Variants in IPPK observed in about 807,000 individuals in gnomAD.
The protein encoded by IPPK is inositol-pentakisphosphate 2-kinase, also known as IPK1 homolog.
Under a neutral mutation model 64.6 loss-of-function variants are expected in IPPK, and 22 were observed. The observed-to-expected ratio is 0.34, with a 90% CI of 0.24 to 0.49. The LOEUF (loss-of-function observed/expected upper bound fraction) is 0.49, where lower values mean the gene tolerates loss of function less well. Among genes scored for constraint, IPPK ranks in the 20% least tolerant of loss-of-function variants. IPPK has a pLI of 0.99. For missense variants in IPPK, 532 were observed against 630.7 expected, an observed-to-expected ratio of 0.84 and a Z score of 1.68; for synonymous variants, 262 against 247.2, an observed-to-expected ratio of 1.06 and a Z score of -0.56.
chr9:92,624,769 A>G (rs1249350311), intron 11 of IPPK, among the ~76,000 whole-genome samples: 1 of 152,246 alleles, frequency 6.6e-6, no homozygotes, highest in African/African-American at 2.4e-5. Flanking sequence ...GAACCTGTCA[A>G]GGATGCTGAG....
Position 92,649,455 on chromosome 9 carries a change from T to C in IPPK, c.412A>G (p.Lys138Glu), listed in dbSNP as rs143557579. 2 of 1,614,018 alleles carry C rather than the reference T, an allele frequency of 1.2e-6. No homozygotes were observed. Among genetic ancestry groups the C allele is most frequent in the African/African-American group, 2.7e-5 (2 of 74,994 alleles). Reference sequence around the variant, plus strand: ...CCATCTGCCCCTCGACAGGTCACCTTAATCTCTACACACAGAATCGGCCGG... The same window carrying C: ...CCATCTGCCCCTCGACAGGTCACCTCAATCTCTACACACAGAATCGGCCGG... ...EHRPILCVEIKPKCGFIPFSS... is the reference protein window; with the variant it reads ...EHRPILCVEIEPKCGFIPFSS... The change falls in exon 5 of 13, where the codon AAG becomes GAG. Residue 138 changes from lysine (K) to glutamate (E), a missense_variant and splice_region_variant. By Grantham distance (56) the Lys-to-Glu change is moderately conservative. Coordinates refer to ENST00000287996, the MANE Select transcript of IPPK (RefSeq NM_022755.6).
chr9:92,649,499 G>A lies in IPPK; in HGVS notation c.368C>T (p.Thr123Ile), dbSNP rs1852217566. The change falls in exon 5 of 13, where the codon ACC becomes ATC. Residue 123 changes from threonine (T) to isoleucine (I), a missense_variant. Thr to Ile is a moderately conservative substitution (Grantham distance 89). Coordinates refer to ENST00000287996, the MANE Select transcript of IPPK (RefSeq NM_022755.6). ...CGGCCGGTGCTCTGCAAAGCGGTAGGTTTGGAGTCTGGTTAAATTAGGAAG... is the reference window on the plus strand; with the variant it reads ...CGGCCGGTGCTCTGCAAAGCGGTAGATTTGGAGTCTGGTTAAATTAGGAAG... ...MCLPNLTRLQ[T>I]YRFAEHRPIL... is the part of the protein sequence containing the mutation. 6.2e-7 allele frequency: 1 copy of A among 1,614,126 alleles called. No homozygotes were observed. The highest frequency in any genetic ancestry group is 8.5e-7 in the Non-Finnish European group (1 of 1,180,028).
At chr9:92,641,612 G>A (rs979541931) in intron 7 of IPPK, among the ~76,000 whole-genome samples, 3 of 152,232 alleles carry the variant, frequency 2.0e-5, no homozygotes, top group Admixed American at 2.0e-4. Flanking sequence ...TGGAGTGAGC[G>A]GTGTTGGTGC....
intron 12 of IPPK, chr9:92,617,584 GC>G (rs1851481509): frequency 6.5e-6 from 1 of 153,982 alleles, no homozygotes; most frequent in African/African-American, 2.4e-5. Context: ...CCCTCTAGCA[GC>G]CTTGGAGAAT....
At chr9:92,636,060 C>G (rs1851937161) in intron 9 of IPPK, among the ~76,000 whole-genome samples, 1 of 152,172 alleles carries the variant, frequency 6.6e-6, no homozygotes, top group South Asian at 2.1e-4. Context: ...TTGTTTGGCA[C>G]CTGTGCTGTA....
At chr9:92,637,946 G>A in intron 9 of IPPK, 55 bp downstream of exon 9, 2 of 1,451,034 alleles carry the variant, frequency 1.4e-6, no homozygotes, top group Non-Finnish European at 1.8e-6. Flanking sequence ...GGGGACTGCA[G>A]AGTCCCAAGG....
At position 92,614,937 on chromosome 9, in the gene IPPK, C is replaced by T. The variant is rs1169496985; in HGVS notation, c.*895G>A. The T allele has an allele frequency of 1.3e-5, 2 of 152,372 alleles. No homozygotes were observed. The highest frequency in any genetic ancestry group is 2.1e-4 in the South Asian group (1 of 4,826). 9.4% of individuals were successfully genotyped at this position (152,372 alleles called of 1,614,324 possible). On this transcript the variant is annotated 3_prime_UTR_variant, in exon 13 of 13. Transcript: ENST00000287996. Reference sequence around the variant, plus strand: ...AACGCAACACGTCTCAAGGCAAACCCGAGGGAGGAACTTGGTCTGGGAGGA... The same window carrying T: ...AACGCAACACGTCTCAAGGCAAACCTGAGGGAGGAACTTGGTCTGGGAGGA...
At chr9:92,652,482 T>G in intron 4 of IPPK, 91 bp downstream of exon 4, 2 of 580,858 alleles carry the variant, frequency 3.4e-6, no homozygotes, top group East Asian at 3.0e-5. Context: ...TACTGAAAAA[T>G]GCATATACCT....
chr9:92,656,573 C>G (rs758601525), intron 2 of IPPK, 22 bp from the exon 3 acceptor site: 1 of 1,526,510 alleles, frequency 6.6e-7, no homozygotes, highest in East Asian at 2.3e-5. Flanking sequence ...AACCACAGGA[C>G]AGCCTTCGTG....
At chr9:92,657,713 C>T (rs1852401326) in intron 2 of IPPK, among the ~76,000 whole-genome samples, 1 of 152,192 alleles carries the variant, frequency 6.6e-6, no homozygotes, top group East Asian at 1.9e-4. Context: ...CCTTCCTATC[C>T]TCCGCCTGCC....
intron 7 of IPPK, 82 bp downstream of exon 7, chr9:92,642,670 A>C (rs1587632691): frequency 6.1e-6 from 5 of 826,032 alleles, no homozygotes; most frequent in Non-Finnish European, 1.0e-5. Context: ...CTCACGAAAT[A>C]CCCCCCACCA....
chr9:92,629,684 G>A (rs1851798599), intron 11 of IPPK, among the ~76,000 whole-genome samples: 2 of 150,552 alleles, frequency 1.3e-5, no homozygotes, highest in East Asian at 3.9e-4. Flanking sequence ...CTTCAGCCTG[G>A]GTGACAGAGA....
intron 1 of IPPK, among the ~76,000 whole-genome samples, chr9:92,669,607 A>AG (rs1852682048): frequency 1.3e-5 from 2 of 151,744 alleles, no homozygotes; most frequent in South Asian, 4.2e-4. Flanking sequence ...CGGGGCGGGG[A>AG]GGGGGATGTG....
chr9:92,638,303 G>C (rs200118674), intron 8 of IPPK, 23 bp from the exon 9 acceptor site: 227 of 1,603,350 alleles, frequency 1.4e-4, no homozygotes, highest in Non-Finnish European at 1.9e-4. Flanking sequence ...AAAAGAAAGA[G>C]GGAAACGTCA....
intron 2 of IPPK, among the ~76,000 whole-genome samples, chr9:92,656,901 T>G (rs1852384225): frequency 1.3e-5 from 2 of 152,172 alleles, no homozygotes; most frequent in African/African-American, 4.8e-5. Flanking sequence ...CATCTCAATC[T>G]CTAAAGAGAT....
At chr9:92,653,611 G>T (rs1216462826) in intron 3 of IPPK, among the ~76,000 whole-genome samples, 2 of 152,204 alleles carry the variant, frequency 1.3e-5, no homozygotes, top group Admixed American at 1.3e-4. Context: ...CAGCACTTTG[G>T]GAGGCCGAGG....
intron 11 of IPPK, among the ~76,000 whole-genome samples, chr9:92,632,341 A>G (rs1254243328): frequency 6.6e-6 from 1 of 152,188 alleles, no homozygotes; most frequent in Non-Finnish European, 1.5e-5. Flanking sequence ...GCAACAGATG[A>G]GAGATCCAGT....
chr9:92,666,234 T>C (rs1235494437), intron 1 of IPPK, among the ~76,000 whole-genome samples: 1 of 151,400 alleles, frequency 6.6e-6, no homozygotes, highest in Non-Finnish European at 1.5e-5. Context: ...CGGAAGGGGC[T>C]CAGTGCCCCA....
chr9:92,644,889 T>C (rs1852120877), intron 6 of IPPK, among the ~76,000 whole-genome samples: 1 of 152,118 alleles, frequency 6.6e-6, no homozygotes, highest in African/African-American at 2.4e-5. Flanking sequence ...CAAGAAAGTA[T>C]TGCCCATATA....
Sources: gnomAD v4.1 joint callset for allele counts (sites outside exome capture counted in the v4.1 genomes callset) on GRCh38, gnomAD v4.1.1 for gene constraint, MANE v1.5 for transcripts, NCBI Gene and HGNC (gene_info 2026-07-23, HGNC 2026-07-21) for gene names.